BMPER: variants seen among roughly 807,000 people sequenced by gnomAD.
The protein encoded by BMPER is BMP binding endothelial regulator, also known as BMP-binding endothelial regulator protein.
In BMPER, 45 loss-of-function variants were observed where a neutral mutation model predicts 87.3. The observed-to-expected ratio is 0.52, with a 90% CI of 0.41 to 0.66. The LOEUF is 0.66. Ranked by LOEUF, BMPER falls within the 30% of genes least tolerant of loss-of-function variation. The pLI, the probability that BMPER is intolerant of heterozygous loss-of-function variation, is 0.00. For missense variants in BMPER, 784 were observed against 867.5 expected (o/e 0.90, Z 1.21); for synonymous variants, 326 against 316.2 (o/e 1.03, Z -0.33).
chr7:33,923,089 C>T (rs945695380), intron 2 of BMPER, among the ~76,000 whole-genome samples: 1 of 151,960 alleles, frequency 6.6e-6, no homozygotes, highest in African/African-American at 2.4e-5. Context: ...TGTGTAGACT[C>T]TTCCCTAGAT....
intron 6 of BMPER, among the ~76,000 whole-genome samples, chr7:34,017,689 A>G (rs1418984258): frequency 2.0e-5 from 3 of 151,882 alleles, no homozygotes; most frequent in Non-Finnish European, 4.4e-5. Flanking sequence ...TAACACACAC[A>G]TTACTGAGCC....
At chr7:34,107,569 T>C (rs952215191) in intron 13 of BMPER, among the ~76,000 whole-genome samples, 3 of 152,218 alleles carry the variant, frequency 2.0e-5, no homozygotes, top group African/African-American at 7.2e-5. Context: ...AGGTTTTTTT[T>C]CGGAAGTAAA....
At chr7:33,933,291 G>A (rs1458741079) in intron 2 of BMPER, among the ~76,000 whole-genome samples, 3 of 152,086 alleles carry the variant, frequency 2.0e-5, no homozygotes, top group African/African-American at 7.2e-5. Flanking sequence ...TTAAAGAATC[G>A]GTTAACTATC....
At chr7:34,099,669 A>T (rs1245528350) in intron 13 of BMPER, among the ~76,000 whole-genome samples, 1 of 152,188 alleles carries the variant, frequency 6.6e-6, no homozygotes, top group Admixed American at 6.5e-5. Context: ...TTCATGTGTG[A>T]CCCTGCTATA....
intron 2 of BMPER, among the ~76,000 whole-genome samples, chr7:33,927,543 C>G (rs189778240): frequency 6.6e-4 from 101 of 152,332 alleles, no homozygotes; most frequent in Middle Eastern, 3.4e-3. Context: ...TGATACCAGA[C>G]AGCCCATCTT....
intron 3 of BMPER, among the ~76,000 whole-genome samples, chr7:33,946,648 G>A (rs775581276): frequency 6.6e-6 from 1 of 152,176 alleles, no homozygotes; most frequent in Admixed American, 6.5e-5. Context: ...TTTGTTGATT[G>A]TTTGAGGAGG....
At chr7:34,013,482 GC>G (rs1428307556) in intron 6 of BMPER, among the ~76,000 whole-genome samples, 1 of 151,696 alleles carries the variant, frequency 6.6e-6, no homozygotes, top group African/African-American at 2.4e-5. Flanking sequence ...AATAGTGAGA[GC>G]TTTTATTTTG....
intron 13 of BMPER, among the ~76,000 whole-genome samples, chr7:34,089,071 C>A (rs187503578): frequency 1.5e-3 from 221 of 152,234 alleles, no homozygotes; most frequent in Non-Finnish European, 2.4e-3. Context: ...TAAATTTTTG[C>A]TGGTACATTT....
intron 2 of BMPER, among the ~76,000 whole-genome samples, chr7:33,915,340 A>G (rs1269267289): frequency 6.6e-6 from 1 of 152,232 alleles, no homozygotes; most frequent in African/African-American, 2.4e-5. Context: ...ACTATTGTAA[A>G]CTTTTAAGTT....
At chr7:34,150,341 C>G (rs193249637) in intron 14 of BMPER, among the ~76,000 whole-genome samples, 13 of 151,908 alleles carry the variant, frequency 8.6e-5, no homozygotes, top group African/African-American at 2.9e-4. Context: ...GGGGCAGGGT[C>G]GGAAGGAAAG....
intron 13 of BMPER, among the ~76,000 whole-genome samples, chr7:34,113,273 C>T (rs977425099): frequency 3.3e-5 from 5 of 151,656 alleles, no homozygotes; most frequent in Non-Finnish European, 7.4e-5. Context: ...CAATATTTTT[C>T]CCTTTGCCAT....
intron 13 of BMPER, among the ~76,000 whole-genome samples, chr7:34,094,470 T>C (rs923860833): frequency 9.2e-5 from 14 of 152,074 alleles, no homozygotes; most frequent in Non-Finnish European, 1.3e-4. Flanking sequence ...GAAGAGCCAG[T>C]GAGGAGGCAG....
intron 12 of BMPER, among the ~76,000 whole-genome samples, chr7:34,080,997 C>T (rs1789030931): frequency 6.7e-6 from 1 of 149,714 alleles, no homozygotes; most frequent in Admixed American, 6.7e-5. Flanking sequence ...TTTACAATTT[C>T]TTTTTTTTTT....
intron 3 of BMPER, among the ~76,000 whole-genome samples, chr7:33,954,051 T>C (rs1785091242): frequency 1.3e-5 from 2 of 152,238 alleles, no homozygotes; most frequent in African/African-American, 4.8e-5. Context: ...CATTTGTTGA[T>C]AGACATTTGT....
intron 2 of BMPER, among the ~76,000 whole-genome samples, chr7:33,928,245 C>T (rs1037159963): frequency 5.3e-5 from 8 of 152,130 alleles, no homozygotes; most frequent in African/African-American, 1.7e-4. Flanking sequence ...GAGTGAGTTG[C>T]AACCTACCTG....
intron 2 of BMPER, among the ~76,000 whole-genome samples, chr7:33,926,662 G>T (rs921584171): frequency 6.6e-6 from 1 of 152,200 alleles, no homozygotes; most frequent in South Asian, 2.1e-4. Flanking sequence ...TCTGACATCT[G>T]CATGTGATCC....
At chr7:33,995,546 A>G (rs1786383916) in intron 6 of BMPER, among the ~76,000 whole-genome samples, 1 of 152,180 alleles carries the variant, frequency 6.6e-6, no homozygotes, top group Non-Finnish European at 1.5e-5. Flanking sequence ...TCAGAAATGG[A>G]AAGGCATTCC....
intron 13 of BMPER, among the ~76,000 whole-genome samples, chr7:34,100,956 C>T (rs1206737998): frequency 6.6e-6 from 1 of 152,210 alleles, no homozygotes; most frequent in Non-Finnish European, 1.5e-5. Context: ...AATCGCCACT[C>T]TTGGACCTGC....
At chr7:34,101,556 C>A (rs1231451743) in intron 13 of BMPER, among the ~76,000 whole-genome samples, 1 of 152,216 alleles carries the variant, frequency 6.6e-6, no homozygotes, top group African/African-American at 2.4e-5. Context: ...CTTGTGTCTG[C>A]TTTGTCCTTG....
Sources: allele counts gnomAD v4.1 joint callset (sites outside exome capture counted in the v4.1 genomes callset), GRCh38; gene constraint gnomAD v4.1.1; transcripts MANE v1.5; gene names NCBI Gene and HGNC (gene_info 2026-07-23, HGNC 2026-07-21).